Variants in LRP2 observed in about 807,000 individuals in gnomAD.
LRP2 encodes low-density lipoprotein receptor-related protein 2.
A neutral mutation model predicts 531.0 loss-of-function variants in LRP2; 172 were observed. The observed-to-expected ratio is 0.32, with a 90% CI of 0.29 to 0.37. The LOEUF is 0.37. Among genes scored for constraint, LRP2 ranks in the 10% least tolerant of loss-of-function variants. LRP2 has a pLI of 1.00. For missense variants in LRP2, 5,167 were observed against 5,868.3 expected, an observed-to-expected ratio of 0.88 and a Z score of 3.90; for synonymous variants, 1,992 against 2,027.6, an observed-to-expected ratio of 0.98 and a Z score of 0.47.
At chr2:169,244,636 G>A in intron 22 of LRP2, 57 bp downstream of exon 22, 1 of 1,612,002 alleles carries the variant, frequency 6.2e-7, no homozygotes, top group Admixed American at 1.7e-5. Context: ...AGGCCATTTG[G>A]TTGTTGAAGT....
At chr2:169,213,232 G>A (rs1688659765) in intron 36 of LRP2, among the ~76,000 whole-genome samples, 1 of 152,116 alleles carries the variant, frequency 6.6e-6, no homozygotes, top group South Asian at 2.1e-4. Context: ...TTCCCAGCAG[G>A]CATCCAACTC....
At chr2:169,170,900 T>G (rs994830666) in intron 58 of LRP2, among the ~76,000 whole-genome samples, 1 of 149,814 alleles carries the variant, frequency 6.7e-6, no homozygotes, top group African/African-American at 2.5e-5. Flanking sequence ...GATCTCTCTT[T>G]CTCTCTTGCT....
chr2:169,181,965 A>C (rs1411227648), intron 51 of LRP2, among the ~76,000 whole-genome samples: 3 of 152,226 alleles, frequency 2.0e-5, no homozygotes, highest in African/African-American at 7.2e-5. Flanking sequence ...GTGTCAGGGA[A>C]AAGAAAACAG....
At chr2:169,202,321 G>T (rs11893158) in intron 43 of LRP2, among the ~76,000 whole-genome samples, 2,046 of 152,242 alleles carry the variant, frequency 0.013, 47 homozygotes, top group African/African-American at 0.046. Context: ...TAAAATTTTT[G>T]AAATAATGAC....
intron 76 of LRP2, among the ~76,000 whole-genome samples, chr2:169,137,125 A>T (rs1685543216): frequency 6.6e-6 from 1 of 152,218 alleles, no homozygotes; most frequent in Non-Finnish European, 1.5e-5. Context: ...TTGCTCTGAC[A>T]CCACTCAAAA....
intron 61 of LRP2, among the ~76,000 whole-genome samples, chr2:169,167,181 T>A (rs1022158635): frequency 5.3e-4 from 81 of 152,188 alleles, no homozygotes; most frequent in African/African-American, 1.9e-3. Context: ...GTTAAACATG[T>A]CTAAGATGTG....
Position 169,178,035 on chromosome 2 carries a change from G to A in LRP2, c.10170-9C>T. ...CCTCCAAATCAGAGTACCTGCAGCA[G>A]TAAGCAGAAACAGTTATGTGATAAA... is the stretch of plus-strand genomic sequence containing the variant. On this transcript the variant is annotated splice_polypyrimidine_tract_variant and intron_variant, in intron 52 of 78. Coordinates refer to ENST00000649046, the MANE Select transcript of LRP2 (RefSeq NM_004525.3). The A allele has an allele frequency of 2.5e-6, 4 of 1,599,728 alleles. No individual in the cohort carries two copies. Among genetic ancestry groups the A allele is most frequent in the South Asian group, 1.1e-5 (1 of 90,692 alleles).
chr2:169,179,170 C>CTAATTTTTG (rs1227527354), intron 52 of LRP2, among the ~76,000 whole-genome samples: 1 of 151,980 alleles, frequency 6.6e-6, no homozygotes, highest in Non-Finnish European at 1.5e-5. Context: ...GCACATCCAG[C>CTAATTTTTG]TAATTTTTGT....
chr2:169,157,779 T>C (rs1686388012), intron 63 of LRP2, among the ~76,000 whole-genome samples: 1 of 152,056 alleles, frequency 6.6e-6, no homozygotes, highest in African/African-American at 2.4e-5. Context: ...GAGCATCCAA[T>C]TCTGGACTGC....
intron 16 of LRP2, among the ~76,000 whole-genome samples, chr2:169,261,323 T>A (rs1238290706): frequency 3.9e-5 from 6 of 151,906 alleles, no homozygotes; most frequent in Non-Finnish European, 5.9e-5. Context: ...AATCCTGACT[T>A]TTAATATGAT....
rs1223412291 is a variant in LRP2 at position 169,206,201 on chromosome 2, A to G, written c.7391-13T>C. ...GCAGTCCCTATACCTGGACACATAC[A>G]GGCAGACACACACACAAGCACACAC... On this transcript the variant is annotated splice_polypyrimidine_tract_variant and intron_variant, in intron 39 of 78. Coordinates refer to ENST00000649046, the MANE Select transcript of LRP2 (RefSeq NM_004525.3). The G allele has an allele frequency of 6.2e-7, 1 of 1,614,204 alleles. No individual in the cohort carries two copies. Among genetic ancestry groups the G allele is most frequent in the East Asian group, 2.2e-5 (1 of 44,876 alleles).
At chr2:169,178,757 A>G (rs1402239577) in intron 52 of LRP2, among the ~76,000 whole-genome samples, 1 of 152,228 alleles carries the variant, frequency 6.6e-6, no homozygotes, top group East Asian at 1.9e-4. Flanking sequence ...CATTTCTAAA[A>G]TAGTGAAAAT....
At position 169,188,219 on chromosome 2, in the gene LRP2, A is replaced by G; in HGVS notation, c.9079T>C (p.Cys3027Arg). ...TTCTGTTGGCAAGTCTGGTATAAGC[A>G]GCCCCTCTCGTCGCTATAGTCACCA... ...DCGDYSDERG[C>R]LYQTCQQNQF... Residue 3027 changes from cysteine to arginine, a missense_variant, in exon 49 of 79, where the codon TGC becomes CGC. Coordinates refer to ENST00000649046, the MANE Select transcript of LRP2 (RefSeq NM_004525.3). 3 of 1,614,132 alleles carry G rather than the reference A, an allele frequency of 1.9e-6. No individual in the cohort carries two copies. The highest frequency in any genetic ancestry group is 2.5e-6 in the Non-Finnish European group (3 of 1,180,020).
chr2:169,221,267 T>C (rs1177953387), intron 33 of LRP2, among the ~76,000 whole-genome samples: 1 of 152,198 alleles, frequency 6.6e-6, no homozygotes, highest in African/African-American at 2.4e-5. Flanking sequence ...CATCTGTTGG[T>C]CACTTACTAT....
At chr2:169,131,310 G>C (rs907813387) in intron 77 of LRP2, among the ~76,000 whole-genome samples, 1 of 150,390 alleles carries the variant, frequency 6.6e-6, no homozygotes, top group Non-Finnish European at 1.5e-5. Flanking sequence ...AAGAAATAAG[G>C]GAATTTGAGA....
intron 2 of LRP2, among the ~76,000 whole-genome samples, chr2:169,319,776 C>T (rs1684862642): frequency 6.6e-6 from 1 of 152,190 alleles, no homozygotes; most frequent in African/African-American, 2.4e-5. Context: ...GGTCCCACCT[C>T]AAAATATGGA....
At chr2:169,299,105 A>T (rs1684208730) in intron 4 of LRP2, among the ~76,000 whole-genome samples, 2 of 59,012 alleles carry the variant, frequency 3.4e-5, no homozygotes, top group Admixed American at 1.9e-4. Flanking sequence ...GAAAGAAAGA[A>T]AGAAAGAAAG....
chr2:169,139,348 T>C lies in LRP2; in HGVS notation c.13291A>G (p.Ile4431Val), dbSNP rs1685636744. ...GCTCCAATTACGACGATCAAGAGGA[T>C]TGTCAACAGCACAGCTACTGCGGCT... Reference protein sequence around the residue: ...GTTAVAVLLTILLIVVIGALA... With the variant: ...GTTAVAVLLTVLLIVVIGALA... The change falls in exon 74 of 79, where the codon ATC becomes GTC. Residue 4431 changes from isoleucine (I) to valine (V), a missense_variant. Physicochemically the swap from Ile to Val is conservative, Grantham distance 29. Coordinates refer to ENST00000649046, the MANE Select transcript of LRP2 (RefSeq NM_004525.3). The C allele has an allele frequency of 5.6e-6, 9 of 1,614,068 alleles. No homozygotes were observed. Among genetic ancestry groups the C allele is most frequent in the East Asian group, 4.5e-5 (2 of 44,876 alleles).
In LRP2 at chr2:169,296,752, A is replaced by G. The variant is rs1487915168; in HGVS notation, c.428-2042T>C. 2.6e-5 allele frequency among the ~76,000 whole-genome samples: 4 copies of G among 152,220 alleles called. No individual in the cohort carries two copies. In the Middle Eastern group the frequency reaches 0.01, roughly 388 times the overall value. On this transcript the variant is annotated intron_variant, in intron 4 of 78. Transcript: ENST00000649046. ...CGTTTTCTTCATCCTGCTTTTTGAG[A>G]GCCAGTGCCAGAAAATTGAAAGGGG...
Sources: gnomAD v4.1 joint callset for allele counts (sites outside exome capture counted in the v4.1 genomes callset) on GRCh38, gnomAD v4.1.1 for gene constraint, MANE v1.5 for transcripts, NCBI Gene and HGNC (gene_info 2026-07-23, HGNC 2026-07-21) for gene names.